FAF2: variants seen among roughly 807,000 people sequenced by gnomAD.
FAF2 encodes Fas associated factor family member 2, also known as FAS-associated factor 2.
A neutral mutation model predicts 62.3 loss-of-function variants in FAF2; 9 were observed. That is an observed-to-expected ratio of 0.14 (90% CI 0.09 to 0.25). FAF2 has a LOEUF of 0.25. Ranked by LOEUF, FAF2 falls within the 10% of genes least tolerant of loss-of-function variation. FAF2 has a pLI of 1.00. For synonymous variants in FAF2, 202 were observed against 198.0 expected, an observed-to-expected ratio of 1.02 and a Z score of -0.17; for missense variants, 368 against 556.2, an observed-to-expected ratio of 0.66 and a Z score of 3.40.
rs376280433 is a variant in FAF2, at chr5:176,448,404, C to T, written c.-4C>T. 5.0e-6 allele frequency: 8 copies of T among 1,604,978 alleles called. No homozygotes were observed. The highest frequency in any genetic ancestry group is 1.7e-5 in the Admixed American group (1 of 58,514). ...CGGGTCAGGAGCGTAGAGGCGGCGG[C>T]AAAATGGCGGCGCCTGAGGAGCGGG... On this transcript the variant is annotated 5_prime_UTR_variant, in exon 1 of 11. Transcript: ENST00000261942.
chr5:176,453,579 T>C (rs576227332), intron 1 of FAF2: 2 of 152,170 alleles, frequency 1.3e-5, no homozygotes, highest in Admixed American at 1.3e-4. Context: ...TTTTTGTTCA[T>C]GTATTTAAAA....
At chr5:176,489,520 C>T (rs935443334) in intron 4 of FAF2, among the ~76,000 whole-genome samples, 3 of 152,078 alleles carry the variant, frequency 2.0e-5, no homozygotes, top group African/African-American at 7.2e-5. Flanking sequence ...ACTCCTGTTA[C>T]ACCTTTTCTT....
Position 176,496,373 on chromosome 5 carries a change from C to T in FAF2, c.662-113C>T, listed in dbSNP as rs1354651272. Reference sequence around the variant, plus strand: ...AAAGCGGAGACTAAATGATACCTCTCGTCTTCCCCAACCAGGATTAAAACA... The same window carrying T: ...AAAGCGGAGACTAAATGATACCTCTTGTCTTCCCCAACCAGGATTAAAACA... On this transcript the variant is annotated intron_variant, in intron 7 of 10. Coordinates refer to ENST00000261942, the MANE Select transcript of FAF2 (RefSeq NM_014613.3). 11 of 801,820 alleles carry T rather than the reference C, an allele frequency of 1.4e-5. No individual in the cohort carries two copies. In the South Asian group the frequency reaches 2.0e-4, roughly 15 times the overall value. The allele number at this position is 801,820 out of a possible 1,614,324, so 49.7% of individuals were successfully genotyped here.
rs1165353547 is a variant in FAF2, at chr5:176,507,037, AAG to A, written c.*95_*96del. 2.4e-6 allele frequency: 2 copies of A among 837,340 alleles called. No individual in the cohort carries two copies. The highest frequency in any genetic ancestry group is 1.8e-5 in the African/African-American group (1 of 56,618). 51.9% of individuals were successfully genotyped at this position (837,340 alleles called of 1,614,324 possible). On this transcript the variant is annotated 3_prime_UTR_variant, in exon 11 of 11. Transcript: ENST00000261942. The stretch of plus-strand genomic sequence containing the variant: ...CAACAGCAAGTCAGAAAAAAAAAAC[AAG>A]AGAGAGAAATTCATATTATTATTAT...
intron 1 of FAF2, among the ~76,000 whole-genome samples, chr5:176,449,588 A>T (rs908615745): frequency 3.9e-5 from 6 of 152,040 alleles, no homozygotes; most frequent in Non-Finnish European, 8.8e-5. Flanking sequence ...AAAAAAAAAA[A>T]TCTACCTCCT....
chr5:176,459,915 C>G (rs1758348006), intron 1 of FAF2, among the ~76,000 whole-genome samples: 2 of 151,968 alleles, frequency 1.3e-5, no homozygotes, highest in Admixed American at 1.3e-4. Flanking sequence ...TCCTCAGTGT[C>G]TATTGTTCTC....
rs1561813406 is a variant in FAF2, at chr5:176,451,811, C to CACATATATAT, written c.63+3344_63+3345insTATATATACA. Among the ~76,000 whole-genome samples, 49 of 20,024 alleles carry CACATATATAT rather than the reference C, an allele frequency of 2.4e-3. 6 individuals are homozygous for CACATATATAT. The highest frequency in any genetic ancestry group is 9.8e-3 in the African/African-American group (45 of 4,584). The allele number at this position is 20,024 out of a possible 152,430, so 13.1% of individuals were successfully genotyped here. A position where few individuals can be genotyped will look rare whatever the true frequency, so the allele number is the denominator to read the frequency against. On this transcript the variant is annotated intron_variant, in intron 1 of 10. Transcript: ENST00000261942. ...GTATATATATATACATATATATATACACACATATATATATATACATATATA... is the reference window on the plus strand; with the variant it reads ...GTATATATATATACATATATATATACACATATATATACACATATATATATATACATATATA...
chr5:176,507,467 A>G lies in FAF2; in HGVS notation c.*517A>G. On this transcript the variant is annotated 3_prime_UTR_variant, in exon 11 of 11. Coordinates refer to ENST00000261942, the MANE Select transcript of FAF2 (RefSeq NM_014613.3). ...TTGAACTGCCCACAAGTTTTCAATA[A>G]CTTTTATTTCTGTTTTGTAATGACC... The G allele has an allele frequency of 3.4e-6, 1 of 290,004 alleles. No homozygotes were observed. Among genetic ancestry groups the G allele is most frequent in the Non-Finnish European group, 7.0e-6 (1 of 143,150 alleles). 18.0% of individuals were successfully genotyped at this position (290,004 alleles called of 1,614,324 possible). A position where few individuals can be genotyped will look rare whatever the true frequency, so the allele number is the denominator to read the frequency against.
chr5:176,458,525 T>TCC (rs889445073), intron 1 of FAF2, among the ~76,000 whole-genome samples: 8 of 143,118 alleles, frequency 5.6e-5, no homozygotes, highest in Non-Finnish European at 1.1e-4. Flanking sequence ...TGCCTCAGCT[T>TCC]CCCGAGTAGC....
At chr5:176,458,547 G>A (rs1311539877) in intron 1 of FAF2, among the ~76,000 whole-genome samples, 1 of 149,148 alleles carries the variant, frequency 6.7e-6, no homozygotes, top group Admixed American at 6.9e-5. Flanking sequence ...GGGATTACAG[G>A]CGCGTGCCAC....
rs558600303 is a variant in FAF2 at position 176,477,290 on chromosome 5, T to C, written c.64-1898T>C. ...AAGTAGAGGTGGGGTTTTAACCATG[T>C]TGGCCAGGCTGGTCTCTAACTCCTG... On this transcript the variant is annotated intron_variant, in intron 1 of 10. Coordinates refer to ENST00000261942, the MANE Select transcript of FAF2 (RefSeq NM_014613.3). 4.7e-5 allele frequency among the ~76,000 whole-genome samples: 7 copies of C among 147,378 alleles called. No homozygotes were observed. The East Asian group carries it at 1.2e-3, about 25-fold the overall frequency.
chr5:176,487,384 T>C (rs1758894160), intron 3 of FAF2, among the ~76,000 whole-genome samples: 1 of 152,186 alleles, frequency 6.6e-6, no homozygotes, highest in Non-Finnish European at 1.5e-5. Context: ...GGTCTTGCTA[T>C]GTTGCCCAGG....
chr5:176,493,704 G>A (rs1341143668), intron 5 of FAF2, among the ~76,000 whole-genome samples: 1 of 152,086 alleles, frequency 6.6e-6, no homozygotes, highest in African/African-American at 2.4e-5. Context: ...CTTTTCTGTG[G>A]TTTGTTGGGA....
Position 176,509,740 on chromosome 5 carries a change from A to G in FAF2, c.*2790A>G, listed in dbSNP as rs76726229. 1 of 152,660 alleles carries G rather than the reference A, an allele frequency of 6.6e-6. No individual in the cohort carries two copies. Among genetic ancestry groups the G allele is most frequent in the Admixed American group, 6.5e-5 (1 of 15,268 alleles). 9.5% of individuals were successfully genotyped at this position (152,660 alleles called of 1,614,324 possible). On this transcript the variant is annotated 3_prime_UTR_variant, in exon 11 of 11. Coordinates refer to ENST00000261942, the MANE Select transcript of FAF2 (RefSeq NM_014613.3). Reference sequence around the variant, plus strand: ...AGCTAAAAAGAACCTAGAACCTTCAATTGAGCAGTTGTGAAAATTGCTAAT... The same window carrying G: ...AGCTAAAAAGAACCTAGAACCTTCAGTTGAGCAGTTGTGAAAATTGCTAAT...
chr5:176,467,989 AC>A (rs1758501542), intron 1 of FAF2, among the ~76,000 whole-genome samples: 1 of 151,830 alleles, frequency 6.6e-6, no homozygotes, highest in South Asian at 2.1e-4. Context: ...ACATGGTGAA[AC>A]CCTGTCTCTA....
At chr5:176,480,340 G>T (rs191779812) in intron 2 of FAF2, among the ~76,000 whole-genome samples, 1 of 148,052 alleles carries the variant, frequency 6.8e-6, no homozygotes, top group African/African-American at 2.5e-5. Context: ...ATATGATTTC[G>T]TTATTCAACA....
At chr5:176,492,606 C>T (rs1228144823) in intron 5 of FAF2, among the ~76,000 whole-genome samples, 3 of 152,138 alleles carry the variant, frequency 2.0e-5, no homozygotes, top group African/African-American at 7.2e-5. Context: ...CTGTACTTGC[C>T]TACCTCTGTG....
In FAF2 at chr5:176,494,142, G is replaced by A; in HGVS notation, c.570-42G>A. ...TGACTCTTTCTGGTGACAGTTTATAGTCAGCAAGTTGTTCTCATATCCTTT... is the reference window on the plus strand; with the variant it reads ...TGACTCTTTCTGGTGACAGTTTATAATCAGCAAGTTGTTCTCATATCCTTT... On this transcript the variant is annotated intron_variant, in intron 6 of 10. Coordinates refer to ENST00000261942, the MANE Select transcript of FAF2 (RefSeq NM_014613.3). This position sits in a 1 kb window ranked among gnomAD's most constrained non-coding sequence, Gnocchi z 4.0. 6 of 1,609,062 alleles carry A rather than the reference G, an allele frequency of 3.7e-6. No individual in the cohort carries two copies. Among genetic ancestry groups the A allele is most frequent in the Non-Finnish European group, 5.1e-6 (6 of 1,176,800 alleles).
intron 1 of FAF2, among the ~76,000 whole-genome samples, chr5:176,465,019 C>T (rs1362408258): frequency 6.6e-6 from 1 of 152,156 alleles, no homozygotes; most frequent in Non-Finnish European, 1.5e-5. Flanking sequence ...TCCTGAATAC[C>T]TGGGATTATA....
Sources: gnomAD v4.1 joint callset for allele counts (sites outside exome capture counted in the v4.1 genomes callset) on GRCh38, gnomAD v4.1.1 for gene constraint, Gnocchi (gnomAD v3.1) non-coding constraint, MANE v1.5 for transcripts, NCBI Gene and HGNC (gene_info 2026-07-23, HGNC 2026-07-21) for gene names.